The following NPAS3 variants were observed in gnomAD, a reference collection of about 807,000 sequenced individuals.
NPAS3 encodes the protein neuronal PAS domain-containing protein 3.
A neutral mutation model predicts 73.1 loss-of-function variants in NPAS3; 14 were observed. That is an observed-to-expected ratio of 0.19 (90% CI 0.13 to 0.30). The LOEUF (loss-of-function observed/expected upper bound fraction) is 0.30. Ranked by LOEUF, NPAS3 falls within the 10% of genes least tolerant of loss-of-function variation. NPAS3 has a pLI of 1.00. For synonymous variants in NPAS3, 620 were observed against 541.5 expected (o/e 1.14, Z -2.01); for missense variants, 1,096 against 1,250.0 (o/e 0.88, Z 1.86).
intron 6 of NPAS3, among the ~76,000 whole-genome samples, chr14:33,696,379 T>A (rs1028186476): frequency 6.6e-6 from 1 of 152,196 alleles, no homozygotes; most frequent in Non-Finnish European, 1.5e-5. Context: ...TGAGCCACTT[T>A]CGTCACCCAC....
intron 1 of NPAS3, among the ~76,000 whole-genome samples, chr14:32,967,366 A>G (rs2037217435): frequency 6.6e-6 from 1 of 152,234 alleles, no homozygotes; most frequent in Non-Finnish European, 1.5e-5. Flanking sequence ...CTTCTCATCA[A>G]CTTGGGCTAT....
At chr14:33,422,370 A>T (rs1487050509) in intron 4 of NPAS3, among the ~76,000 whole-genome samples, 5 of 152,000 alleles carry the variant, frequency 3.3e-5, no homozygotes. Flanking sequence ...CTGAAATTTA[A>T]CAAGAAGGTC....
At chr14:33,462,120 C>A (rs1225191606) in intron 4 of NPAS3, among the ~76,000 whole-genome samples, 3 of 152,132 alleles carry the variant, frequency 2.0e-5, no homozygotes, top group Non-Finnish European at 2.9e-5. Context: ...GGAAGTTAGT[C>A]CACAAGAGGA....
At chr14:33,737,603 G>C (rs1483305991) in intron 7 of NPAS3, among the ~76,000 whole-genome samples, 2 of 152,072 alleles carry the variant, frequency 1.3e-5, no homozygotes, top group Admixed American at 1.3e-4. Context: ...CCAGTAAGAT[G>C]AATCATCCAG....
intron 6 of NPAS3, among the ~76,000 whole-genome samples, chr14:33,689,326 G>T (rs1172614148): frequency 6.6e-6 from 1 of 152,180 alleles, no homozygotes; most frequent in African/African-American, 2.4e-5. Context: ...AGAGTATAAT[G>T]AGTTTAATAC....
rs564337351 is a variant in NPAS3 at position 33,581,091 on chromosome 14, A to G, written c.558+20881A>G. Among the ~76,000 whole-genome samples the G allele has an allele frequency of 4.1e-4, 63 of 152,316 alleles. 1 individual carries two copies. The highest frequency in any genetic ancestry group is 3.1e-3 in the East Asian group (16 of 5,184). On this transcript the variant is annotated intron_variant, in intron 5 of 11. Coordinates refer to ENST00000356141, the Ensembl canonical transcript of NPAS3. ...CAGACCTGAAAATTGGCCATGCAGAACTGTTTAAAATTGGTAGGAAAAACT... is the reference window on the plus strand; with the variant it reads ...CAGACCTGAAAATTGGCCATGCAGAGCTGTTTAAAATTGGTAGGAAAAACT...
At chr14:33,619,556 T>G (rs939036729) in intron 5 of NPAS3, among the ~76,000 whole-genome samples, 1 of 152,220 alleles carries the variant, frequency 6.6e-6, no homozygotes, top group Non-Finnish European at 1.5e-5. Flanking sequence ...CAGACAAGGA[T>G]GTATATGAAA....
chr14:33,352,033 C>T (rs1462888643), intron 3 of NPAS3, among the ~76,000 whole-genome samples: 1 of 147,980 alleles, frequency 6.8e-6, no homozygotes, highest in Non-Finnish European at 1.5e-5. Flanking sequence ...TACCCCAGAA[C>T]TTAACGTGTT....
At chr14:33,299,933 A>G (rs1157898075) in intron 3 of NPAS3, among the ~76,000 whole-genome samples, 2 of 152,220 alleles carry the variant, frequency 1.3e-5, no homozygotes, top group Admixed American at 1.3e-4. Flanking sequence ...GATATGATTT[A>G]ATTACATATG....
chr14:33,328,202 T>C (rs1594701807), intron 3 of NPAS3, among the ~76,000 whole-genome samples: 2 of 152,142 alleles, frequency 1.3e-5, no homozygotes, highest in Admixed American at 1.3e-4. Context: ...TGAAATTGCC[T>C]GAGCTGGGCC....
chr14:33,721,105 G>C (rs778343595), intron 6 of NPAS3, among the ~76,000 whole-genome samples: 21 of 152,122 alleles, frequency 1.4e-4, no homozygotes, highest in Non-Finnish European at 2.9e-4. Flanking sequence ...CTCCTAAAAT[G>C]TTAGACTTCA....
At chr14:33,580,454 C>T (rs780966566) in intron 5 of NPAS3, among the ~76,000 whole-genome samples, 35 of 152,124 alleles carry the variant, frequency 2.3e-4, no homozygotes, top group Middle Eastern at 3.2e-3. Context: ...TGAGGCCAGA[C>T]GGCAGGTGTA....
chr14:33,569,633 G>T (rs1223970979), intron 5 of NPAS3, among the ~76,000 whole-genome samples: 1 of 152,004 alleles, frequency 6.6e-6, no homozygotes, highest in Non-Finnish European at 1.5e-5. Flanking sequence ...AAAAAAATTG[G>T]TTCTTCACTA....
chr14:33,002,445 T>C (rs2139577845), intron 1 of NPAS3, among the ~76,000 whole-genome samples: 1 of 152,258 alleles, frequency 6.6e-6, no homozygotes, highest in East Asian at 1.9e-4. Context: ...GGGAAGGGAA[T>C]TCTTATGGTT....
At chr14:33,130,122 T>C (rs901807899) in intron 2 of NPAS3, among the ~76,000 whole-genome samples, 1 of 152,226 alleles carries the variant, frequency 6.6e-6, no homozygotes, top group Non-Finnish European at 1.5e-5. Context: ...AAGGTATCCA[T>C]AATTCATTTA....
chr14:33,400,445 C>G (rs2138739622), intron 4 of NPAS3, among the ~76,000 whole-genome samples: 1 of 152,214 alleles, frequency 6.6e-6, no homozygotes, highest in South Asian at 2.1e-4. Context: ...TTTTCTGGCA[C>G]TTTATGGGTT....
chr14:33,719,876 C>T (rs936748309), intron 6 of NPAS3, among the ~76,000 whole-genome samples: 2 of 152,118 alleles, frequency 1.3e-5, no homozygotes, highest in African/African-American at 4.8e-5. Flanking sequence ...AAAACCTCCT[C>T]GTAAGACCCC....
chr14:33,268,124 G>A (rs899491766), intron 3 of NPAS3, among the ~76,000 whole-genome samples: 3 of 151,556 alleles, frequency 2.0e-5, no homozygotes, highest in African/African-American at 7.3e-5. Context: ...TTGGCCCCAG[G>A]TGATTTAACC....
intron 3 of NPAS3, among the ~76,000 whole-genome samples, chr14:33,245,400 C>T (rs1019035159): frequency 6.6e-6 from 1 of 152,172 alleles, no homozygotes; most frequent in African/African-American, 2.4e-5. Flanking sequence ...TAATCTATCT[C>T]CAGATCCAAA....
Sources: gnomAD v4.1 joint callset for allele counts (sites outside exome capture counted in the v4.1 genomes callset) on GRCh38, gnomAD v4.1.1 for gene constraint, MANE v1.5 for transcripts, NCBI Gene and HGNC (gene_info 2026-07-23, HGNC 2026-07-21) for gene names.